The following GTF3C1 variants were observed in gnomAD, a reference collection of about 807,000 sequenced individuals.
GTF3C1 encodes the protein general transcription factor IIIC subunit 1.
GTF3C1 carries 57 observed loss-of-function variants against 226.7 expected under a neutral mutation model. The ratio of observed to expected loss-of-function variants is 0.25; its 90% CI spans 0.20 to 0.31. The LOEUF (loss-of-function observed/expected upper bound fraction) is 0.31, where lower values mean the gene tolerates loss of function less well. Among genes scored for constraint, GTF3C1 ranks in the 10% least tolerant of loss-of-function variants. The probability of loss-of-function intolerance (pLI) is 1.00; values close to 1 mark genes in which losing one functional copy is unlikely to be tolerated. For synonymous variants in GTF3C1, 1,090 were observed against 1,084.8 expected, an observed-to-expected ratio of 1.00 and a Z score of -0.09; for missense variants, 2,217 against 2,776.1, an observed-to-expected ratio of 0.80 and a Z score of 4.53.
At chr16:27,534,561 C>T (rs994498481) in intron 4 of GTF3C1, among the ~76,000 whole-genome samples, 2 of 152,196 alleles carry the variant, frequency 1.3e-5, no homozygotes, top group Admixed American at 1.3e-4. Context: ...CAAGAGGCAA[C>T]GGTGGTTCAA....
At chr16:27,481,970 A>G (rs779748549) in intron 26 of GTF3C1, among the ~76,000 whole-genome samples, 38 of 152,034 alleles carry the variant, frequency 2.5e-4, no homozygotes, top group Non-Finnish European at 4.1e-4. Flanking sequence ...GGGAGGGAGG[A>G]TGCCCAGTCT....
Position 27,462,001 on chromosome 16 carries a change from C to A in GTF3C1, c.6117+293G>T. The A allele has an allele frequency of 2.4e-6, 1 of 424,132 alleles. No homozygotes were observed. Among genetic ancestry groups the A allele is most frequent in the East Asian group, 3.7e-5 (1 of 26,926 alleles). 26.3% of individuals were successfully genotyped at this position (424,132 alleles called of 1,614,324 possible). On this transcript the variant is annotated intron_variant, in intron 36 of 36. Transcript: ENST00000356183. The surrounding 1 kb of genome is among the most constrained non-coding windows in gnomAD (Gnocchi z 4.5). ...AGGAAGCAGCTGCACCAGGGGGCAG[C>A]TGCTTGACCCGTGGGGCCCGGCGGA... is the stretch of plus-strand genomic sequence containing the variant.
chr16:27,462,676 G>C lies in GTF3C1; in HGVS notation c.5925-190C>G. 8.7e-6 allele frequency: 5 copies of C among 577,640 alleles called. No individual in the cohort carries two copies. The highest frequency in any genetic ancestry group is 1.5e-5 in the Non-Finnish European group (5 of 322,914). The allele number at this position is 577,640 out of a possible 1,614,324, so 35.8% of individuals were successfully genotyped here. ...TGGACAGAGGGGCCCTTGACCGCCA[G>C]CTGGGTGGAACCAGGACGTGGTGTC... On this transcript the variant is annotated intron_variant, in intron 35 of 36. Coordinates refer to ENST00000356183, the MANE Select transcript of GTF3C1 (RefSeq NM_001520.4). This position sits in a 1 kb window ranked among gnomAD's most constrained non-coding sequence, Gnocchi z 4.5.
chr16:27,533,233 C>A (rs764803065), intron 5 of GTF3C1, 58 bp downstream of exon 5: 6 of 815,288 alleles, frequency 7.4e-6, no homozygotes, highest in Non-Finnish European at 1.3e-5. Context: ...CCTGACAAGA[C>A]CTCCCGGCTA....
chr16:27,474,772 A>G (rs2087928170), intron 29 of GTF3C1, among the ~76,000 whole-genome samples: 1 of 152,090 alleles, frequency 6.6e-6, no homozygotes, highest in Non-Finnish European at 1.5e-5. Context: ...CTAGCCTTCC[A>G]CTCCAAATGT....
In GTF3C1 at chr16:27,460,691, T is replaced by A. The variant is rs2087689096; in HGVS notation, c.*659A>T. 6.7e-6 allele frequency: 1 copy of A among 148,598 alleles called. No homozygotes were observed. Among genetic ancestry groups the A allele is most frequent in the African/African-American group, 2.5e-5 (1 of 40,142 alleles). 9.2% of individuals were successfully genotyped at this position (148,598 alleles called of 1,614,324 possible). A position where few individuals can be genotyped will look rare whatever the true frequency, so the allele number is the denominator to read the frequency against. Reference sequence around the variant, plus strand: ...TTTTTTTTTTAATGAGGAAAAAAGGTGAAAGAACAAAATAAAACAAACAAA... The same window carrying A: ...TTTTTTTTTTAATGAGGAAAAAAGGAGAAAGAACAAAATAAAACAAACAAA... On this transcript the variant is annotated 3_prime_UTR_variant, in exon 37 of 37. Coordinates refer to ENST00000356183, the MANE Select transcript of GTF3C1 (RefSeq NM_001520.4).
intron 29 of GTF3C1, among the ~76,000 whole-genome samples, chr16:27,473,669 C>T (rs1487467553): frequency 2.6e-5 from 4 of 152,212 alleles, no homozygotes; most frequent in African/African-American, 4.8e-5. Flanking sequence ...GACCGGGGAC[C>T]GGTGCGGTGG....
Position 27,464,438 on chromosome 16 carries a change from GTCT to G in GTF3C1, c.5751_5753del (p.Glu1917del). The G allele has an allele frequency of 6.2e-7, 1 of 1,603,328 alleles. No homozygotes were observed. ...CCTGTGCTGCTCCCGCTGCAGCGGT[GTCT>G]TCAAGAGCTGGGGGTGGAGATGGGG... On this transcript the variant is annotated inframe_deletion, in exon 34 of 37. Coordinates refer to ENST00000356183, the MANE Select transcript of GTF3C1 (RefSeq NM_001520.4).
chr16:27,481,340 TCTGTCAC>T (rs2088043866), intron 26 of GTF3C1, 149 bp from the exon 27 acceptor site: 1 of 663,176 alleles, frequency 1.5e-6, no homozygotes. Context: ...TCACCTGTCA[TCTGTCAC>T]CTGTCATCTG....
At chr16:27,468,878 A>G (rs771436610) in intron 32 of GTF3C1, among the ~76,000 whole-genome samples, 12 of 152,248 alleles carry the variant, frequency 7.9e-5, no homozygotes, top group Non-Finnish European at 1.2e-4. Context: ...GGGTCAAAAG[A>G]TAATACCTAA....
intron 6 of GTF3C1, among the ~76,000 whole-genome samples, chr16:27,513,992 T>C (rs1250815933): frequency 1.3e-5 from 2 of 152,172 alleles, no homozygotes; most frequent in Admixed American, 6.5e-5. Flanking sequence ...GGGCAGAGCA[T>C]GTGGCTTGCA....
At chr16:27,488,668 T>G (rs950511946) in intron 21 of GTF3C1, 33 bp from the exon 22 acceptor site, 3 of 1,543,094 alleles carry the variant, frequency 1.9e-6, no homozygotes, top group Non-Finnish European at 2.7e-6. Context: ...GGATGAAGCA[T>G]GAGCTTCCAC....
intron 14 of GTF3C1, among the ~76,000 whole-genome samples, chr16:27,496,854 C>G (rs375735708): frequency 1.5e-4 from 23 of 152,362 alleles, no homozygotes; most frequent in African/African-American, 3.6e-4. Flanking sequence ...GAGGAACACC[C>G]GCGCTGCCCC....
At position 27,483,131 on chromosome 16, in the gene GTF3C1, G is replaced by A; in HGVS notation, c.4002-6C>T. ...ACACCTCGGCCAGGCACACTCTGCA[G>A]GAAGAGGAGACAAAGCTGAAGTCTG... is the stretch of plus-strand genomic sequence containing the variant. On this transcript the variant is annotated splice_region_variant and splice_polypyrimidine_tract_variant and intron_variant, in intron 25 of 36. Coordinates refer to ENST00000356183, the MANE Select transcript of GTF3C1 (RefSeq NM_001520.4). 6.2e-7 allele frequency: 1 copy of A among 1,613,904 alleles called. No homozygotes were observed. Among genetic ancestry groups the A allele is most frequent in the Non-Finnish European group, 8.5e-7 (1 of 1,179,776 alleles).
intron 2 of GTF3C1, among the ~76,000 whole-genome samples, chr16:27,542,893 C>T (rs1364533679): frequency 6.6e-6 from 1 of 152,210 alleles, no homozygotes; most frequent in Non-Finnish European, 1.5e-5. Context: ...ACTAAATAAG[C>T]CTCTTTTCTT....
intron 29 of GTF3C1, among the ~76,000 whole-genome samples, chr16:27,474,817 G>T (rs2087928733): frequency 6.6e-6 from 1 of 152,212 alleles, no homozygotes; most frequent in South Asian, 2.1e-4. Flanking sequence ...CAGGCAGGAG[G>T]AAATAAAACA....
At chr16:27,506,334 T>G (rs2088484556) in intron 9 of GTF3C1, among the ~76,000 whole-genome samples, 1 of 152,252 alleles carries the variant, frequency 6.6e-6, no homozygotes, top group African/African-American at 2.4e-5. Flanking sequence ...GGCTGGGTAA[T>G]TCTCTGCTGT....
intron 2 of GTF3C1, among the ~76,000 whole-genome samples, chr16:27,539,737 CTGTTCTGCCCTCT>C (rs2141457156): frequency 6.6e-6 from 1 of 152,284 alleles, no homozygotes; most frequent in African/African-American, 2.4e-5. Flanking sequence ...CATGACAGTT[CTGTTCTGCCCTCT>C]TGAATACATT....
Position 27,470,249 on chromosome 16 carries a change from G to A in GTF3C1, c.4673C>T (p.Ala1558Val), listed in dbSNP as rs781525330. Reference protein sequence around the residue: ...DNNEPTNDMVAFSLDGPGGNC... With the variant: ...DNNEPTNDMVVFSLDGPGGNC... ...TCCTCCAGGGCCGTCCAGTGAAAAG[G>A]CCACCATGTCGTTTGTGGGCTCGTT... The change falls in exon 31 of 37, where the codon GCC becomes GTC. Residue 1558 changes from alanine to valine, a missense_variant. By Grantham distance (64) the Ala-to-Val change is moderately conservative (BLOSUM62 0). This residue lies in a region of GTF3C1 where 546 missense variants were observed against 663.0 expected (regional missense o/e 0.82). Coordinates refer to ENST00000356183, the MANE Select transcript of GTF3C1 (RefSeq NM_001520.4). The surrounding 1 kb of genome is among the most constrained non-coding windows in gnomAD (Gnocchi z 4.9). 3 of 1,613,978 alleles carry A rather than the reference G, an allele frequency of 1.9e-6. No homozygotes were observed. The highest frequency in any genetic ancestry group is 2.5e-6 in the Non-Finnish European group (3 of 1,179,846).
Sources: gnomAD v4.1 joint callset for allele counts (sites outside exome capture counted in the v4.1 genomes callset) on GRCh38, gnomAD v4.1.1 for gene constraint, gnomAD v4.1.1 regional missense constraint, Gnocchi (gnomAD v3.1) non-coding constraint, MANE v1.5 for transcripts, NCBI Gene and HGNC (gene_info 2026-07-23, HGNC 2026-07-21) for gene names.